KIRREL3: variants seen among roughly 807,000 people sequenced by gnomAD.
The protein encoded by KIRREL3 is kin of IRRE-like protein 3.
In KIRREL3, 36 loss-of-function variants were observed where a neutral mutation model predicts 89.7. That is an observed-to-expected ratio of 0.40 (90% CI 0.31 to 0.53). KIRREL3 has a LOEUF of 0.53. KIRREL3 is among the 20% of genes least tolerant of loss of function. The pLI, the probability that KIRREL3 is intolerant of heterozygous loss-of-function variation, is 0.49. For synonymous variants in KIRREL3, 445 were observed against 441.4 expected, an observed-to-expected ratio of 1.01 and a Z score of -0.10; for missense variants, 864 against 1,056.6, an observed-to-expected ratio of 0.82 and a Z score of 2.53.
At chr11:126,822,807 G>A (rs1360020505) in intron 1 of KIRREL3, among the ~76,000 whole-genome samples, 1 of 152,158 alleles carries the variant, frequency 6.6e-6, no homozygotes, top group Non-Finnish European at 1.5e-5. Flanking sequence ...TCTCTCCACG[G>A]CCTCTCCAAG....
rs79028188 is a variant in KIRREL3 at position 126,997,315 on chromosome 11, C to T, written c.55+3140G>A. The stretch of plus-strand genomic sequence containing the variant: ...GGCAAATTGTGCTGTGACATTATCC[C>T]TCTCTGAACAAAGCATGACCGTCCT... On this transcript the variant is annotated intron_variant, in intron 1 of 16. Coordinates refer to ENST00000525144, the MANE Select transcript of KIRREL3 (RefSeq NM_032531.4). The surrounding 1 kb of genome is among the most constrained non-coding windows in gnomAD (Gnocchi z 4.3). Among the ~76,000 whole-genome samples the T allele has an allele frequency of 6.3e-3, 963 of 152,296 alleles. 3 individuals are homozygous for T. The highest frequency in any genetic ancestry group is 8.3e-3 in the Non-Finnish European group (562 of 68,020).
intron 4 of KIRREL3, among the ~76,000 whole-genome samples, chr11:126,503,455 C>T (rs1957927318): frequency 6.6e-6 from 1 of 152,130 alleles, no homozygotes; most frequent in Admixed American, 6.5e-5. Context: ...TCTGATTATG[C>T]AGCACTAGGC....
chr11:126,975,942 T>TCCCTCCCTCCCTTCCTC (rs1949562528), intron 1 of KIRREL3, among the ~76,000 whole-genome samples: 1 of 79,402 alleles, frequency 1.3e-5, no homozygotes, highest in Non-Finnish European at 2.3e-5. Flanking sequence ...CTCCCTCCCT[T>TCCCTCCCTCCCTTCCTC]CCTTCCTTCC....
intron 1 of KIRREL3, among the ~76,000 whole-genome samples, chr11:126,921,584 A>G (rs1410584497): frequency 6.7e-5 from 1 of 14,920 alleles, no homozygotes; most frequent in Non-Finnish European, 1.3e-4. Context: ...TCTGTCTTCT[A>G]TCTATCTATC....
rs949381995 is a variant in KIRREL3 at position 126,522,798 on chromosome 11, C to T, written c.284-1334G>A. On this transcript the variant is annotated intron_variant, in intron 3 of 16. Coordinates refer to ENST00000525144, the MANE Select transcript of KIRREL3 (RefSeq NM_032531.4). The surrounding 1 kb of genome is among the most constrained non-coding windows in gnomAD (Gnocchi z 6.0). Reference sequence around the variant, plus strand: ...AATCCCCGCTGTCTTTCATCTCTGTCCCGGTTCCCTTCTCTCCTCAGAGGC... The same window carrying T: ...AATCCCCGCTGTCTTTCATCTCTGTTCCGGTTCCCTTCTCTCCTCAGAGGC... Among the ~76,000 whole-genome samples the T allele has an allele frequency of 6.6e-6, 1 of 152,286 alleles. No individual in the cohort carries two copies. Among genetic ancestry groups the T allele is most frequent in the East Asian group, 1.9e-4 (1 of 5,160 alleles).
Position 126,578,229 on chromosome 11 carries a change from C to T in KIRREL3, c.56-15317G>A, listed in dbSNP as rs988014478. Reference sequence around the variant, plus strand: ...AAAATAAACAACCCTTAGGATGTTTCGGTCCTGGGATGCTTGCAGCCCAGG... The same window carrying T: ...AAAATAAACAACCCTTAGGATGTTTTGGTCCTGGGATGCTTGCAGCCCAGG... On this transcript the variant is annotated intron_variant, in intron 1 of 16. Transcript: ENST00000525144. This position sits in a 1 kb window ranked among gnomAD's most constrained non-coding sequence, Gnocchi z 4.9. 1.2e-4 allele frequency among the ~76,000 whole-genome samples: 18 copies of T among 152,296 alleles called. No individual in the cohort carries two copies. The highest frequency in any genetic ancestry group is 3.1e-4 in the African/African-American group (13 of 41,564).
chr11:126,620,508 C>T lies in KIRREL3; in HGVS notation c.56-57596G>A, dbSNP rs1244274133. On this transcript the variant is annotated intron_variant, in intron 1 of 16. Transcript: ENST00000525144. The surrounding 1 kb of genome is among the most constrained non-coding windows in gnomAD (Gnocchi z 4.8). ...TGAAAGGGCCCACATACACCACACA[C>T]CATTGTCTATGGGGTGCCTGTGCAT... Among the ~76,000 whole-genome samples the T allele has an allele frequency of 1.3e-5, 2 of 152,192 alleles. No homozygotes were observed. Among genetic ancestry groups the T allele is most frequent in the African/African-American group, 4.8e-5 (2 of 41,436 alleles).
chr11:126,866,051 T>C (rs1944907152), intron 1 of KIRREL3, among the ~76,000 whole-genome samples: 1 of 152,210 alleles, frequency 6.6e-6, no homozygotes, highest in South Asian at 2.1e-4. Context: ...ATTTAAAGCC[T>C]GCTGCAGTGA....
rs1330562410 is a variant in KIRREL3 at position 126,791,538 on chromosome 11, T to C, written c.55+208917A>G. On this transcript the variant is annotated intron_variant, in intron 1 of 16. Transcript: ENST00000525144. This position sits in a 1 kb window ranked among gnomAD's most constrained non-coding sequence, Gnocchi z 4.8. ...CTTCTTTCCAAAGAAATGAATTCAC[T>C]GGGCACTTATGAAAATAAATGACTG... Among the ~76,000 whole-genome samples, 1 of 152,224 alleles carries C rather than the reference T, an allele frequency of 6.6e-6. No homozygotes were observed. Among genetic ancestry groups the C allele is most frequent in the Non-Finnish European group, 1.5e-5 (1 of 68,040 alleles).
intron 4 of KIRREL3, among the ~76,000 whole-genome samples, chr11:126,488,908 G>A (rs181963456): frequency 1.2e-4 from 19 of 152,322 alleles, no homozygotes; most frequent in African/African-American, 4.6e-4. Context: ...CCAGGAAGAC[G>A]GGATCCTTGC....
chr11:126,823,937 G>GTATCTTGC, intron 1 of KIRREL3, among the ~76,000 whole-genome samples: 1 of 152,280 alleles, frequency 6.6e-6, no homozygotes, highest in East Asian at 1.9e-4. Flanking sequence ...GAGCCAGGGG[G>GTATCTTGC]TATCTTGCTG....
chr11:126,972,767 C>T (rs1019349637), intron 1 of KIRREL3, among the ~76,000 whole-genome samples: 27 of 152,124 alleles, frequency 1.8e-4, no homozygotes, highest in Admixed American at 5.2e-4. Context: ...TGTACACACA[C>T]CTTCTCTTCC....
intron 1 of KIRREL3, among the ~76,000 whole-genome samples, chr11:126,779,760 TTA>T (rs1343056847): frequency 2.0e-5 from 3 of 151,392 alleles, no homozygotes; most frequent in Non-Finnish European, 4.4e-5. Context: ...TCCACCGTAG[TTA>T]CTATTGGTTA....
intron 1 of KIRREL3, among the ~76,000 whole-genome samples, chr11:126,774,868 C>G (rs542087757): frequency 9.2e-5 from 14 of 152,272 alleles, no homozygotes; most frequent in Admixed American, 8.5e-4. Context: ...CATATTCCCT[C>G]AAGCTTCTAT....
In KIRREL3 at chr11:126,605,987, G is replaced by T. The variant is rs2134768514; in HGVS notation, c.56-43075C>A. Among the ~76,000 whole-genome samples, 1 of 152,314 alleles carries T rather than the reference G, an allele frequency of 6.6e-6. No individual in the cohort carries two copies. Among genetic ancestry groups the T allele is most frequent in the Middle Eastern group, 3.4e-3 (1 of 294 alleles). On this transcript the variant is annotated intron_variant, in intron 1 of 16. Coordinates refer to ENST00000525144, the MANE Select transcript of KIRREL3 (RefSeq NM_032531.4). This position sits in a 1 kb window ranked among gnomAD's most constrained non-coding sequence, Gnocchi z 5.7. ...GCAGGGAGCAGTGAGCCATAGTGTG[G>T]TCCAGAGGGACGCAGGCCATCTTGG... is the stretch of plus-strand genomic sequence containing the variant.
chr11:126,936,553 A>G (rs1251296535), intron 1 of KIRREL3: 3 of 145,786 alleles, frequency 2.1e-5, no homozygotes, highest in African/African-American at 7.8e-5. Context: ...AATGCTATTC[A>G]GCAAAAAAAA....
chr11:126,927,447 C>T (rs1947769039), intron 1 of KIRREL3, among the ~76,000 whole-genome samples: 1 of 152,228 alleles, frequency 6.6e-6, no homozygotes, highest in African/African-American at 2.4e-5. Context: ...CTCTGCCAGG[C>T]TTCTGTGAGT....
chr11:126,438,852 G>C (rs1955455626), intron 11 of KIRREL3, among the ~76,000 whole-genome samples: 1 of 152,206 alleles, frequency 6.6e-6, no homozygotes, highest in African/African-American at 2.4e-5. Flanking sequence ...GGTGCAGCCT[G>C]GGTGTCTCAG....
At chr11:126,865,958 C>G (rs1944904328) in intron 1 of KIRREL3, among the ~76,000 whole-genome samples, 1 of 152,076 alleles carries the variant, frequency 6.6e-6, no homozygotes, top group Non-Finnish European at 1.5e-5. Context: ...CTGAATAATA[C>G]AGTAGCCAGC....
Sources: gnomAD v4.1 joint callset for allele counts (sites outside exome capture counted in the v4.1 genomes callset) on GRCh38, gnomAD v4.1.1 for gene constraint, Gnocchi (gnomAD v3.1) non-coding constraint, MANE v1.5 for transcripts, NCBI Gene and HGNC (gene_info 2026-07-23, HGNC 2026-07-21) for gene names.